CPAMD8: variants seen among roughly 807,000 people sequenced by gnomAD.
CPAMD8 encodes the protein C3 and PZP like alpha-2-macroglobulin domain containing 8.
In CPAMD8, 146 loss-of-function variants were observed where a neutral mutation model predicts 224.7. That is an observed-to-expected ratio of 0.65 (90% CI 0.57 to 0.75). CPAMD8 has a LOEUF of 0.75. CPAMD8 is among the 30% of genes least tolerant of loss of function. The pLI is 0.00. For missense variants in CPAMD8, 2,301 were observed against 2,537.5 expected (o/e 0.91, Z 2.00); for synonymous variants, 966 against 1,044.6 (o/e 0.92, Z 1.45).
At chr19:16,988,469 G>C (rs971373554) in intron 13 of CPAMD8, among the ~76,000 whole-genome samples, 1 of 152,088 alleles carries the variant, frequency 6.6e-6, no homozygotes, top group Non-Finnish European at 1.5e-5. Flanking sequence ...GATTAGCCAG[G>C]CATTGTGGTG....
At chr19:17,016,914 T>C (rs770847312) in intron 3 of CPAMD8, among the ~76,000 whole-genome samples, 4 of 151,486 alleles carry the variant, frequency 2.6e-5, no homozygotes, top group Non-Finnish European at 5.9e-5. Flanking sequence ...TTTTTCCTTA[T>C]GCTTCTGTAG....
At chr19:16,969,052 A>G (rs1368370971) in intron 18 of CPAMD8, among the ~76,000 whole-genome samples, 3 of 152,232 alleles carry the variant, frequency 2.0e-5, no homozygotes, top group Non-Finnish European at 4.4e-5. Context: ...GGGAAGGATG[A>G]GAGGAAGGAG....
chr19:16,978,188 G>A (rs1382533343), intron 14 of CPAMD8, among the ~76,000 whole-genome samples: 4 of 152,108 alleles, frequency 2.6e-5, no homozygotes, highest in African/African-American at 7.2e-5. Flanking sequence ...AGGGGAAAGC[G>A]GGGACACAAG....
intron 26 of CPAMD8, among the ~76,000 whole-genome samples, chr19:16,923,896 C>T (rs1176604532): frequency 2.6e-5 from 4 of 151,830 alleles, no homozygotes; most frequent in Admixed American, 2.6e-4. Context: ...TTCAAGTCTG[C>T]AGTGAGCTAT....
intron 18 of CPAMD8, 139 bp from the exon 19 acceptor site, chr19:16,958,054 T>C: frequency 1.4e-6 from 1 of 725,122 alleles, no homozygotes; most frequent in South Asian, 1.8e-5. Context: ...TGTACTTCAC[T>C]GGGATATAAC....
At chr19:16,993,028 T>A (rs1478483170) in intron 12 of CPAMD8, among the ~76,000 whole-genome samples, 1 of 152,026 alleles carries the variant, frequency 6.6e-6, no homozygotes, top group African/African-American at 2.4e-5. Flanking sequence ...CTCTCCCCAA[T>A]CTCTTTCCAA....
chr19:16,955,776 A>C (rs1329299727), intron 19 of CPAMD8, among the ~76,000 whole-genome samples: 1 of 152,170 alleles, frequency 6.6e-6, no homozygotes, highest in African/African-American at 2.4e-5. Flanking sequence ...TCCTGGGCTC[A>C]AGCGATCCTC....
chr19:17,002,343 G>A lies in CPAMD8; in HGVS notation c.681C>T (p.Pro227=), dbSNP rs1345405588. The change falls in exon 9 of 42, where the codon CCC becomes CCT. Residue 227 remains proline, a synonymous_variant. Transcript: ENST00000443236. ...KSFEVQKYVL[P]KFELLIDPPR... ...GCGGGTCAATCAGAAGCTCAAACTT[G>A]GGCAACACTGAAGAAAGCAAGCAGA... is the stretch of plus-strand genomic sequence containing the variant. 8 of 1,603,986 alleles carry A rather than the reference G, an allele frequency of 5.0e-6. No individual in the cohort carries two copies. The East Asian group carries it at 1.8e-4, about 36-fold the overall frequency.
intron 14 of CPAMD8, among the ~76,000 whole-genome samples, chr19:16,979,294 A>G (rs1364723654): frequency 1.6e-5 from 1 of 61,768 alleles, no homozygotes; most frequent in African/African-American, 1.1e-4. Flanking sequence ...ATCCTTCTGT[A>G]CCTCCATCCA....
chr19:16,970,786 C>T (rs897088481), intron 18 of CPAMD8, 105 bp downstream of exon 18: 4 of 1,078,952 alleles, frequency 3.7e-6, no homozygotes, highest in Middle Eastern at 2.0e-4. Flanking sequence ...TTATAAGCCA[C>T]TCGGTCTATG....
chr19:16,963,872 A>G (rs1394767788), intron 18 of CPAMD8, among the ~76,000 whole-genome samples: 2 of 152,238 alleles, frequency 1.3e-5, no homozygotes, highest in Non-Finnish European at 2.9e-5. Context: ...ATTAGAACTC[A>G]GGATTAAGAA....
intron 29 of CPAMD8, among the ~76,000 whole-genome samples, chr19:16,912,770 C>T (rs1227814837): frequency 6.6e-6 from 1 of 151,984 alleles, no homozygotes; most frequent in African/African-American, 2.4e-5. Context: ...AAAAGTCTCA[C>T]CTCAAGATAT....
At chr19:16,922,312 C>T (rs2053205988) in intron 26 of CPAMD8, among the ~76,000 whole-genome samples, 2 of 151,666 alleles carry the variant, frequency 1.3e-5, no homozygotes, top group Admixed American at 1.3e-4. Context: ...AACTGCCCCA[C>T]ACCACATCTG....
chr19:17,026,441 A>T, intron 1 of CPAMD8, 110 bp downstream of exon 1: 1 of 1,202,212 alleles, frequency 8.3e-7, no homozygotes, highest in Non-Finnish European at 1.1e-6. Context: ...GGTCCAGCCC[A>T]GCGCGGAGGC....
intron 41 of CPAMD8, chr19:16,894,331 T>G (rs1599635059): frequency 9.1e-6 from 4 of 441,744 alleles, no homozygotes; most frequent in Non-Finnish European, 9.3e-6. Flanking sequence ...TGGGCTGAGG[T>G]CTGCCCACCC....
chr19:16,989,314 T>C (rs375371698), intron 13 of CPAMD8, among the ~76,000 whole-genome samples: 7 of 152,082 alleles, frequency 4.6e-5, no homozygotes, highest in African/African-American at 1.7e-4. Context: ...TTTTGAGGAG[T>C]CTGGCTTTGT....
At position 16,947,059 on chromosome 19, in the gene CPAMD8, CTG is replaced by C; in HGVS notation, c.2662+13_2662+14del. 6.3e-7 allele frequency: 1 copy of C among 1,587,280 alleles called. No homozygotes were observed. Among genetic ancestry groups the C allele is most frequent in the South Asian group, 1.1e-5 (1 of 87,006 alleles). On this transcript the variant is annotated intron_variant, in intron 21 of 41. Transcript: ENST00000443236. ...CTGGAGAGGGGGGACACCCCAAGAA[CTG>C]TGGGGTCCTCACCCGTGATGTTGTT...
chr19:16,908,819 A>G (rs1044792044), intron 29 of CPAMD8, among the ~76,000 whole-genome samples: 2 of 152,170 alleles, frequency 1.3e-5, no homozygotes, highest in Admixed American at 1.3e-4. Flanking sequence ...GCCAGACCCT[A>G]GGACTGGCCC....
At chr19:16,904,632 G>C (rs2052399507) in intron 30 of CPAMD8, 80 bp from the exon 31 acceptor site, 1 of 956,454 alleles carries the variant, frequency 1.0e-6, no homozygotes. Flanking sequence ...CCAAGCATGG[G>C]GTCTAAAGAA....
Sources: gnomAD v4.1 joint callset for allele counts (sites outside exome capture counted in the v4.1 genomes callset) on GRCh38, gnomAD v4.1.1 for gene constraint, MANE v1.5 for transcripts, NCBI Gene and HGNC (gene_info 2026-07-23, HGNC 2026-07-21) for gene names.